SLC6A17: variants seen among roughly 807,000 people sequenced by gnomAD.
The protein encoded by SLC6A17 is solute carrier family 6 member 17, also known as sodium-dependent neutral amino acid transporter SLC6A17.
SLC6A17 carries 21 observed loss-of-function variants against 64.5 expected under a neutral mutation model. That is an observed-to-expected ratio of 0.33 (90% CI 0.23 to 0.47). The LOEUF (loss-of-function observed/expected upper bound fraction) is 0.47, where lower values mean the gene tolerates loss of function less well. Among genes scored for constraint, SLC6A17 ranks in the 20% least tolerant of loss-of-function variants. SLC6A17 has a pLI of 1.00. For synonymous variants in SLC6A17, 372 were observed against 399.5 expected, an observed-to-expected ratio of 0.93 and a Z score of 0.82; for missense variants, 682 against 963.2, an observed-to-expected ratio of 0.71 and a Z score of 3.86.
At chr1:110,155,074 C>A (rs1655720900) in intron 1 of SLC6A17, among the ~76,000 whole-genome samples, 1 of 152,170 alleles carries the variant, frequency 6.6e-6, no homozygotes, top group Admixed American at 6.5e-5. Context: ...CCAGAACAGG[C>A]CCATGCTGTC....
chr1:110,193,346 G>A (rs1557841274), intron 8 of SLC6A17, among the ~76,000 whole-genome samples: 1 of 152,150 alleles, frequency 6.6e-6, no homozygotes, highest in Admixed American at 6.5e-5. Context: ...GGTGGTGCTG[G>A]GGGTGCTGAC....
At chr1:110,186,410 A>G (rs1656684446) in intron 6 of SLC6A17, among the ~76,000 whole-genome samples, 1 of 151,628 alleles carries the variant, frequency 6.6e-6, no homozygotes, top group Non-Finnish European at 1.5e-5. Context: ...CTTTTTGTGA[A>G]AATGATTGAC....
rs1249483500 is a variant in SLC6A17 at position 110,176,730 on chromosome 1, C to T, written c.855C>T (p.Phe285=). Residue 285 remains phenylalanine, a synonymous_variant, in exon 6 of 12, where the codon TTC becomes TTT. Transcript: ENST00000331565. ...RGAVDGILHM[F]TPKLDKMLDP... ...CAGTTGATGGCATCCTACACATGTTCACTCCCAAGGTAAGGGTTTGGGGCT... is the reference window on the plus strand; with the variant it reads ...CAGTTGATGGCATCCTACACATGTTTACTCCCAAGGTAAGGGTTTGGGGCT... 2 of 1,613,444 alleles carry T rather than the reference C, an allele frequency of 1.2e-6. No homozygotes were observed. The highest frequency in any genetic ancestry group is 2.2e-5 in the East Asian group (1 of 44,886).
chr1:110,193,658 AC>A (rs1656885903), intron 8 of SLC6A17, among the ~76,000 whole-genome samples: 1 of 151,994 alleles, frequency 6.6e-6, no homozygotes, highest in South Asian at 2.1e-4. Context: ...CTACACCCCA[AC>A]CCTTTCCCTG....
Position 110,192,465 on chromosome 1 carries a change from C to G in SLC6A17, c.1107-41C>G. On this transcript the variant is annotated intron_variant, in intron 7 of 11. Coordinates refer to ENST00000331565, the MANE Select transcript of SLC6A17 (RefSeq NM_001010898.4). This position sits in a 1 kb window ranked among gnomAD's most constrained non-coding sequence, Gnocchi z 4.3. ...CCTCCAGGATCTCACCCATTGCCCACCCCTGCCTTCTTACCTGGTCCTCTC... is the reference window on the plus strand; with the variant it reads ...CCTCCAGGATCTCACCCATTGCCCAGCCCTGCCTTCTTACCTGGTCCTCTC... The G allele has an allele frequency of 6.3e-7, 1 of 1,578,518 alleles. No individual in the cohort carries two copies.
Position 110,191,014 on chromosome 1 carries a change from C to G in SLC6A17, c.865-958C>G, listed in dbSNP as rs143857453. On this transcript the variant is annotated intron_variant, in intron 6 of 11. Transcript: ENST00000331565. ...CAAAACACAAAACACCCTGTCCTGA[C>G]GAGGTCAGCCTCATTCTGTTGGGAT... 7.8e-3 allele frequency among the ~76,000 whole-genome samples: 1,183 copies of G among 152,310 alleles called. 12 individuals are homozygous for G. The highest frequency in any genetic ancestry group is 0.025 in the African/African-American group (1,045 of 41,568).
At chr1:110,189,716 C>T (rs1219801683) in intron 6 of SLC6A17, among the ~76,000 whole-genome samples, 1 of 152,188 alleles carries the variant, frequency 6.6e-6, no homozygotes, top group Non-Finnish European at 1.5e-5. Context: ...CACCCTGGCA[C>T]CTTCCATTCC....
At chr1:110,151,295 C>G (rs1168732155) in intron 1 of SLC6A17, among the ~76,000 whole-genome samples, 1 of 152,150 alleles carries the variant, frequency 6.6e-6, no homozygotes, top group African/African-American at 2.4e-5. Flanking sequence ...GAGCCTCTTA[C>G]GCAGCTGGAG....
At chr1:110,181,541 G>A (rs1432428436) in intron 6 of SLC6A17, among the ~76,000 whole-genome samples, 1 of 152,254 alleles carries the variant, frequency 6.6e-6, no homozygotes, top group Non-Finnish European at 1.5e-5. Flanking sequence ...TTACGTTCTG[G>A]TGGAGGGAGA....
chr1:110,195,394 C>T (rs1656934581), intron 9 of SLC6A17, among the ~76,000 whole-genome samples, 192 bp from the exon 10 acceptor site: 1 of 152,220 alleles, frequency 6.6e-6, no homozygotes, highest in Non-Finnish European at 1.5e-5. Flanking sequence ...CTCAGGTGCT[C>T]CCCGACTAGT....
intron 6 of SLC6A17, among the ~76,000 whole-genome samples, chr1:110,182,359 T>C (rs1216392574): frequency 3.3e-5 from 5 of 152,132 alleles, no homozygotes; most frequent in African/African-American, 1.2e-4. Flanking sequence ...CTTTTGGACA[T>C]GGCAGGCTTA....
rs1250606450 is a variant in SLC6A17 at position 110,191,994 on chromosome 1, A to T, written c.887A>T (p.Gln296Leu). The T allele has an allele frequency of 6.2e-7, 1 of 1,613,912 alleles. No homozygotes were observed. The highest frequency in any genetic ancestry group is 8.5e-7 in the Non-Finnish European group (1 of 1,179,936). The change falls in exon 7 of 12, where the codon CAG becomes CTG. Residue 296 changes from glutamine to leucine, a missense_variant. By Grantham distance (113) the Gln-to-Leu change is moderately radical. Coordinates refer to ENST00000331565, the MANE Select transcript of SLC6A17 (RefSeq NM_001010898.4). Reference protein sequence around the residue: ...TPKLDKMLDPQVWREAATQVF... With the variant: ...TPKLDKMLDPLVWREAATQVF... The stretch of plus-strand genomic sequence containing the variant: ...TAGCTGGACAAGATGCTGGACCCCC[A>T]GGTGTGGCGGGAGGCAGCTACCCAG...
chr1:110,195,693 C>G lies in SLC6A17; in HGVS notation c.1600C>G (p.Leu534Val). Residue 534 changes from leucine (L) to valine (V), a missense_variant, in exon 10 of 12, where the codon CTC (leucine) becomes GTC (valine). Transcript: ENST00000331565. Reference protein sequence around the residue: ...DDYSATLPLTLIVILENIAVA... With the variant: ...DDYSATLPLTVIVILENIAVA... The stretch of plus-strand genomic sequence containing the variant: ...CTACTCGGCCACCCTGCCACTCACT[C>G]TCATCGTCATCCTTGAGAACATCGC... 1.2e-6 allele frequency: 2 copies of G among 1,614,248 alleles called. No individual in the cohort carries two copies. The highest frequency in any genetic ancestry group is 1.7e-6 in the Non-Finnish European group (2 of 1,180,034).
chr1:110,185,923 C>T (rs969012599), intron 6 of SLC6A17, among the ~76,000 whole-genome samples: 10 of 152,174 alleles, frequency 6.6e-5, no homozygotes, highest in Non-Finnish European at 1.5e-4. Flanking sequence ...AGGGAGGGTG[C>T]CCAGGGACCA....
intron 1 of SLC6A17, among the ~76,000 whole-genome samples, chr1:110,164,541 C>G (rs368059930): frequency 6.6e-6 from 1 of 152,218 alleles, no homozygotes; most frequent in Non-Finnish European, 1.5e-5. Context: ...CCCAGTGCCT[C>G]AGCCTGGAGG....
Position 110,173,958 on chromosome 1 carries a change from T to A in SLC6A17, c.445-15T>A. 1 of 1,612,606 alleles carries A rather than the reference T, an allele frequency of 6.2e-7. No individual in the cohort carries two copies. On this transcript the variant is annotated splice_polypyrimidine_tract_variant and intron_variant, in intron 3 of 11. Coordinates refer to ENST00000331565, the MANE Select transcript of SLC6A17 (RefSeq NM_001010898.4). ...GCCTGCAGCCTCAGTGACCCCGCAGTGGGCTTGTCCCCAGGTCTGTCTCTT... is the reference window on the plus strand; with the variant it reads ...GCCTGCAGCCTCAGTGACCCCGCAGAGGGCTTGTCCCCAGGTCTGTCTCTT...
chr1:110,163,737 C>T (rs554490690), intron 1 of SLC6A17, among the ~76,000 whole-genome samples: 1 of 152,326 alleles, frequency 6.6e-6, no homozygotes, highest in South Asian at 2.1e-4. Context: ...CTCTCCCTGT[C>T]TCCGCCTCTC....
chr1:110,156,152 T>C (rs1655755263), intron 1 of SLC6A17, among the ~76,000 whole-genome samples: 1 of 152,212 alleles, frequency 6.6e-6, no homozygotes. Flanking sequence ...AATTTGGGAC[T>C]CCACATAACA....
Position 110,166,878 on chromosome 1 carries a change from TC to T in SLC6A17, c.-50del. The stretch of plus-strand genomic sequence containing the variant: ...GAGAAGGAGCTGACAGCAGCTGAAT[TC>T]CATCTTCTCTGTGTGCTGGGGAGCA... On this transcript the variant is annotated 5_prime_UTR_variant, in exon 2 of 12. Transcript: ENST00000331565. The T allele has an allele frequency of 6.5e-7, 1 of 1,542,136 alleles. No individual in the cohort carries two copies. Among genetic ancestry groups the T allele is most frequent in the Non-Finnish European group, 8.8e-7 (1 of 1,141,132 alleles).
Sources: gnomAD v4.1 joint callset for allele counts (sites outside exome capture counted in the v4.1 genomes callset) on GRCh38, gnomAD v4.1.1 for gene constraint, Gnocchi (gnomAD v3.1) non-coding constraint, MANE v1.5 for transcripts, NCBI Gene and HGNC (gene_info 2026-07-23, HGNC 2026-07-21) for gene names.